The following NPIPB2 variants were observed in gnomAD, a reference collection of about 807,000 sequenced individuals.
The protein encoded by NPIPB2 is nuclear pore complex interacting protein family member B2.
NPIPB2 carries 27 observed loss-of-function variants against 30.8 expected under a neutral mutation model. The ratio of observed to expected loss-of-function variants is 0.88; its 90% CI spans 0.65 to 1.21. NPIPB2 has a LOEUF of 1.21. NPIPB2 is among the 50% of genes most tolerant of loss of function. The probability of loss-of-function intolerance (pLI) is 0.00; values close to 1 mark genes in which losing one functional copy is unlikely to be tolerated. For missense variants in NPIPB2, 440 were observed against 446.2 expected, an observed-to-expected ratio of 0.99 and a Z score of 0.13; for synonymous variants, 147 against 162.0, an observed-to-expected ratio of 0.91 and a Z score of 0.70.
intron 1 of NPIPB2, among the ~76,000 whole-genome samples, chr16:11,967,388 C>T (rs930507327): frequency 2.0e-5 from 3 of 152,096 alleles, no homozygotes; most frequent in African/African-American, 4.8e-5. Flanking sequence ...TGTAGGCTAA[C>T]GTGGGAGGAT....
intron 1 of NPIPB2, among the ~76,000 whole-genome samples, chr16:11,955,963 A>G (rs1026221784): frequency 1.3e-5 from 2 of 151,896 alleles, no homozygotes; most frequent in Admixed American, 6.6e-5. Context: ...CCTCTGGTCC[A>G]CTGCAGAGTT....
intron 1 of NPIPB2, chr16:11,941,380 G>A (rs2054938124): frequency 4.4e-6 from 1 of 228,356 alleles, no homozygotes. Context: ...GAAGGGGAGA[G>A]GAAGGGGGGA....
intron 1 of NPIPB2, among the ~76,000 whole-genome samples, chr16:11,948,137 C>A (rs1461980422): frequency 6.6e-6 from 1 of 151,490 alleles, no homozygotes; most frequent in Non-Finnish European, 1.5e-5. Context: ...GGCTTTCCTG[C>A]AGGGTGACCA....
chr16:11,933,536 T>C, exon 4 of NPIPB2: 1 of 1,597,086 alleles, frequency 6.3e-7, no homozygotes, highest in East Asian at 2.2e-5. Flanking sequence ...GCGGTCTTCC[T>C]CTTTCCATTG....
intron 1 of NPIPB2, among the ~76,000 whole-genome samples, chr16:11,954,744 A>G (rs2055096096): frequency 6.6e-6 from 1 of 151,704 alleles, no homozygotes; most frequent in African/African-American, 2.4e-5. Context: ...TATCTCTACT[A>G]AAAATACAAA....
chr16:11,944,363 T>C (rs202018306), upstream of NPIPB2, among the ~76,000 whole-genome samples: 82 of 151,850 alleles, frequency 5.4e-4, no homozygotes, highest in East Asian at 0.013. Flanking sequence ...GACGGGGGTT[T>C]CACGATGTTG....
At chr16:11,942,812 T>C (rs2054957252), upstream of NPIPB2, among the ~76,000 whole-genome samples, 1 of 151,986 alleles carries the variant, frequency 6.6e-6, no homozygotes, top group Admixed American at 6.6e-5. Flanking sequence ...GGCCCTGTCC[T>C]CAGCTAAACT....
chr16:11,949,941 C>T (rs1015653985), intron 1 of NPIPB2, among the ~76,000 whole-genome samples: 1 of 152,186 alleles, frequency 6.6e-6, no homozygotes, highest in Non-Finnish European at 1.5e-5. Context: ...CTTGTGCCCC[C>T]GACTTAACAG....
intron 1 of NPIPB2, among the ~76,000 whole-genome samples, chr16:11,969,060 T>A (rs527266355): frequency 4.3e-4 from 66 of 151,730 alleles, no homozygotes; most frequent in Non-Finnish European, 7.7e-4. Flanking sequence ...AGAGATGGGG[T>A]TTCACTGTGT....
rs376054792 is a variant in NPIPB2 at position 11,975,259 on chromosome 16, T to C, written c.-584+1309A>G. 1.4e-3 allele frequency among the ~76,000 whole-genome samples: 166 copies of C among 114,584 alleles called. 1 individual carries two copies. Among genetic ancestry groups the C allele is most frequent in the African/African-American group, 4.5e-3 (140 of 31,152 alleles). 75.2% of individuals were successfully genotyped at this position (114,584 alleles called of 152,430 possible). A position where few individuals can be genotyped will look rare whatever the true frequency, so the allele number is the denominator to read the frequency against. The stretch of plus-strand genomic sequence containing the variant: ...GCCTCCCGGGTTCACGCCATTCTCC[T>C]GCCTCAGCCTCCCAAGTAGCTGGGA... On this transcript the variant is annotated intron_variant, in intron 1 of 5. Coordinates refer to the NPIPB2 transcript ENST00000538896.
At chr16:11,941,727 G>C (rs2054944058) in intron 1 of NPIPB2, 1 of 773,676 alleles carries the variant, frequency 1.3e-6, no homozygotes, top group Non-Finnish European at 2.1e-6. Flanking sequence ...CAATGGACGT[G>C]CCTCACAATG....
At chr16:11,941,794 C>T in intron 1 of NPIPB2, 189 bp downstream of exon 1, 1 of 1,290,100 alleles carries the variant, frequency 7.8e-7, no homozygotes, top group Admixed American at 2.0e-5. Flanking sequence ...CTCAGTCTCC[C>T]ACTCTCCTCC....
chr16:11,973,143 G>A (rs2055246026), intron 1 of NPIPB2, among the ~76,000 whole-genome samples: 2 of 142,418 alleles, frequency 1.4e-5, no homozygotes, highest in African/African-American at 5.6e-5. Context: ...TCCAGCCTGG[G>A]CAACAAGAGT....
intron 1 of NPIPB2, among the ~76,000 whole-genome samples, chr16:11,959,700 A>T (rs1034685851): frequency 1.3e-5 from 2 of 152,228 alleles, no homozygotes; most frequent in East Asian, 1.9e-4. Flanking sequence ...GAGACAGTCC[A>T]TCAGTCTTCT....
At chr16:11,948,624 G>A (rs990367435) in intron 1 of NPIPB2, among the ~76,000 whole-genome samples, 10 of 151,622 alleles carry the variant, frequency 6.6e-5, no homozygotes, top group Non-Finnish European at 1.0e-4. Context: ...AAAATTAGCC[G>A]GGCGTAGTGG....
At chr16:11,970,860 CTT>C (rs59476811) in intron 1 of NPIPB2, among the ~76,000 whole-genome samples, 2 of 107,448 alleles carry the variant, frequency 1.9e-5, no homozygotes, top group African/African-American at 4.5e-5. Context: ...TTACTCGTTT[CTT>C]TTTTTTTTTT....
chr16:11,937,111 C>T (rs1352514634), intron 2 of NPIPB2, among the ~76,000 whole-genome samples: 1 of 152,114 alleles, frequency 6.6e-6, no homozygotes, highest in African/African-American at 2.4e-5. Flanking sequence ...ATGTTTATGC[C>T]TGTTCTATGT....
intron 7 of NPIPB2, 143 bp from the exon 8 acceptor site, chr16:11,928,022 G>C: frequency 3.1e-6 from 3 of 957,548 alleles, no homozygotes; most frequent in Non-Finnish European, 4.4e-6. Context: ...AGCAGTATCA[G>C]TGTCATAATA....
At chr16:11,976,473 A>G in intron 1 of NPIPB2, 1 of 316,858 alleles carries the variant, frequency 3.2e-6, no homozygotes, top group Non-Finnish European at 5.7e-6. Context: ...TCTGGGACGA[A>G]GTCGCCCCAT....
Sources: allele counts gnomAD v4.1 joint callset (sites outside exome capture counted in the v4.1 genomes callset), GRCh38; gene constraint gnomAD v4.1.1; transcripts MANE v1.5; gene names NCBI Gene and HGNC (gene_info 2026-07-23, HGNC 2026-07-21).